Variants in RNF217 observed in about 807,000 individuals in gnomAD.
The protein encoded by RNF217 is ring finger protein 217.
A neutral mutation model predicts 57.8 loss-of-function variants in RNF217; 31 were observed. The ratio of observed to expected loss-of-function variants is 0.54; its 90% confidence interval spans 0.40 to 0.72. The LOEUF (loss-of-function observed/expected upper bound fraction) is 0.72. Ranked by LOEUF, RNF217 falls within the 30% of genes least tolerant of loss-of-function variation. RNF217 has a pLI of 0.00. For missense variants in RNF217, 696 were observed against 708.3 expected (o/e 0.98, Z 0.20); for synonymous variants, 313 against 294.0 (o/e 1.06, Z -0.66).
intron 1 of RNF217, among the ~76,000 whole-genome samples, chr6:125,039,933 G>A (rs1786806970): frequency 6.6e-6 from 1 of 152,076 alleles, no homozygotes; most frequent in Non-Finnish European, 1.5e-5. Context: ...AGAATCTCTG[G>A]GACACAGCTA....
intron 3 of RNF217, among the ~76,000 whole-genome samples, chr6:125,063,262 AAC>A (rs1293454255): frequency 3.3e-5 from 5 of 152,346 alleles, no homozygotes; most frequent in South Asian, 2.1e-4. Flanking sequence ...AAAAATAACA[AAC>A]ACAGGATTAT....
intron 2 of RNF217, among the ~76,000 whole-genome samples, chr6:125,047,452 ATTTGTGTAAT>A (rs1357974813): frequency 6.6e-6 from 1 of 152,064 alleles, no homozygotes; most frequent in Admixed American, 6.6e-5. Flanking sequence ...AAGATTCTAT[ATTTGTGTAAT>A]TTTGAGCGAG....
chr6:124,971,055 G>C (rs908870211), intron 1 of RNF217, among the ~76,000 whole-genome samples: 1 of 152,172 alleles, frequency 6.6e-6, no homozygotes, highest in Non-Finnish European at 1.5e-5. Context: ...TGTACTGCAG[G>C]TAGTAGAATG....
In RNF217 at chr6:125,054,603, A is replaced by G. The variant is rs9491289; in HGVS notation, c.1117-3339A>G. 8.4e-3 allele frequency among the ~76,000 whole-genome samples: 1,279 copies of G among 152,296 alleles called. 9 individuals carry two copies. Among genetic ancestry groups the G allele is most frequent in the African/African-American group, 0.029 (1,216 of 41,570 alleles). On this transcript the variant is annotated intron_variant, in intron 2 of 5. Coordinates refer to ENST00000521654, the MANE Select transcript of RNF217 (RefSeq NM_001286398.3). ...AATTTCCATTCAACAATGAGCACCC[A>G]TGCTACACAAAGCTCATGCCACCGC... is the stretch of plus-strand genomic sequence containing the variant.
intron 1 of RNF217, among the ~76,000 whole-genome samples, chr6:125,031,128 C>T (rs926545568): frequency 9.2e-5 from 14 of 152,222 alleles, no homozygotes; most frequent in Admixed American, 2.0e-4. Flanking sequence ...ATGGCTGGAG[C>T]AGCTGGGACA....
intron 1 of RNF217, among the ~76,000 whole-genome samples, chr6:125,027,268 G>A (rs1002818595): frequency 1.3e-5 from 2 of 151,924 alleles, no homozygotes; most frequent in African/African-American, 4.8e-5. Context: ...GGGCTTTTTT[G>A]TACCCATTAA....
intron 1 of RNF217, among the ~76,000 whole-genome samples, chr6:124,975,296 G>A (rs1783916487): frequency 6.6e-6 from 1 of 152,148 alleles, no homozygotes; most frequent in East Asian, 1.9e-4. Context: ...TTGCTTGTAA[G>A]CCATTTTTCC....
intron 2 of RNF217, 143 bp from the exon 3 acceptor site, chr6:125,057,799 T>A (rs910188650): frequency 3.2e-5 from 19 of 591,442 alleles, no homozygotes; most frequent in Non-Finnish European, 4.7e-5. Flanking sequence ...AGTATTCATA[T>A]CTTCCTGTAG....
Position 125,052,284 on chromosome 6 carries a change from T to TTGTATGTGTG in RNF217, c.1117-5655_1117-5654insATGTGTGTGT, listed in dbSNP as rs374838947. 8.7e-3 allele frequency among the ~76,000 whole-genome samples: 1,239 copies of TTGTATGTGTG among 143,218 alleles called. 21 individuals carry two copies. Among genetic ancestry groups the TTGTATGTGTG allele is most frequent in the African/African-American group, 0.028 (1,109 of 38,958 alleles). 94.0% of individuals were successfully genotyped at this position (143,218 alleles called of 152,430 possible). ...AATATAGCTTACCTTGTCATGCGTT[T>TTGTATGTGTG]TGTGTGTGTGTGTGTGTGTGTGTGT... On this transcript the variant is annotated intron_variant, in intron 2 of 5. Coordinates refer to ENST00000521654, the MANE Select transcript of RNF217 (RefSeq NM_001286398.3).
chr6:125,050,534 A>G (rs1475388166), intron 2 of RNF217, among the ~76,000 whole-genome samples: 1 of 152,010 alleles, frequency 6.6e-6, no homozygotes. Context: ...CTCATGTGGT[A>G]AAAGAATTTT....
intron 1 of RNF217, among the ~76,000 whole-genome samples, chr6:124,990,986 G>T (rs1426130222): frequency 1.3e-5 from 2 of 152,138 alleles, no homozygotes; most frequent in African/African-American, 4.8e-5. Flanking sequence ...AAGATCACAT[G>T]ACCCCAGGAT....
At chr6:125,082,640 G>T in intron 5 of RNF217, 2 of 1,562,446 alleles carry the variant, frequency 1.3e-6, no homozygotes, top group Non-Finnish European at 1.7e-6. Flanking sequence ...TATTTGGATA[G>T]AAATCATTAT....
intron 1 of RNF217, among the ~76,000 whole-genome samples, chr6:125,003,716 T>A (rs1354364526): frequency 1.3e-5 from 2 of 152,144 alleles, no homozygotes; most frequent in Non-Finnish European, 2.9e-5. Context: ...TATAATTATT[T>A]GTCAATTTTA....
At chr6:125,041,056 C>T (rs1786860010) in intron 1 of RNF217, among the ~76,000 whole-genome samples, 1 of 152,098 alleles carries the variant, frequency 6.6e-6, no homozygotes, top group South Asian at 2.1e-4. Flanking sequence ...CTCTCTCTCA[C>T]CACTCCTATT....
chr6:125,044,541 A>T (rs181785601), intron 1 of RNF217, among the ~76,000 whole-genome samples: 45 of 152,090 alleles, frequency 3.0e-4, no homozygotes, highest in African/African-American at 1.0e-3. Context: ...TAATTTTGTA[A>T]ATTACCGCAG....
intron 1 of RNF217, among the ~76,000 whole-genome samples, chr6:124,988,378 A>G (rs938653420): frequency 6.6e-6 from 1 of 152,202 alleles, no homozygotes; most frequent in Non-Finnish European, 1.5e-5. Flanking sequence ...CTGCTAACTC[A>G]TCAAATTACT....
chr6:124,994,931 A>G lies in RNF217; in HGVS notation c.882+31505A>G, dbSNP rs1784692700. On this transcript the variant is annotated intron_variant, in intron 1 of 5. Coordinates refer to ENST00000521654, the MANE Select transcript of RNF217 (RefSeq NM_001286398.3). Reference sequence around the variant, plus strand: ...TTGAGGTATACTACGAGAATTTTTTATGATCCAGGAATAGACAACTTTGTA... The same window carrying G: ...TTGAGGTATACTACGAGAATTTTTTGTGATCCAGGAATAGACAACTTTGTA... 2.0e-5 allele frequency among the ~76,000 whole-genome samples: 3 copies of G among 152,342 alleles called. No individual in the cohort carries two copies. In the South Asian group the frequency reaches 6.2e-4, roughly 32 times the overall value.
intron 1 of RNF217, among the ~76,000 whole-genome samples, chr6:125,004,596 A>T (rs1284126873): frequency 1.3e-5 from 2 of 152,220 alleles, no homozygotes; most frequent in Non-Finnish European, 2.9e-5. Flanking sequence ...AAGTTGGGAT[A>T]GTATCACTGG....
chr6:125,004,056 G>T (rs569279582), intron 1 of RNF217, among the ~76,000 whole-genome samples: 1 of 43,364 alleles, frequency 2.3e-5, no homozygotes, highest in Admixed American at 4.4e-4. Flanking sequence ...TTTAAATGAG[G>T]GGTTACAGTT....
Sources: allele counts gnomAD v4.1 joint callset (sites outside exome capture counted in the v4.1 genomes callset), GRCh38; gene constraint gnomAD v4.1.1; transcripts MANE v1.5; gene names NCBI Gene and HGNC (gene_info 2026-07-23, HGNC 2026-07-21).